Variants in ECT2L observed in about 807,000 individuals in gnomAD.
ECT2L encodes the protein epithelial cell-transforming sequence 2 oncogene-like.
In ECT2L, 126 loss-of-function variants were observed where a neutral mutation model predicts 122.8. That is an observed-to-expected ratio of 1.03 (90% CI 0.89 to 1.19). ECT2L has a LOEUF of 1.19. Among genes scored for constraint, ECT2L ranks in the 50% most tolerant of loss-of-function variants. ECT2L has a pLI of 0.00. For missense variants in ECT2L, 1,012 were observed against 1,064.1 expected (o/e 0.95, Z 0.68); for synonymous variants, 385 against 381.8 (o/e 1.01, Z -0.10).
chr6:138,865,628 A>G (rs1778007491), intron 12 of ECT2L, among the ~76,000 whole-genome samples: 1 of 152,208 alleles, frequency 6.6e-6, no homozygotes, highest in Non-Finnish European at 1.5e-5. Context: ...TGCTGAGCCT[A>G]TTAGACGTGG....
chr6:138,854,800 G>C (rs1777562099), intron 10 of ECT2L, among the ~76,000 whole-genome samples: 1 of 152,214 alleles, frequency 6.6e-6, no homozygotes, highest in South Asian at 2.1e-4. Context: ...GTGGCTGCCT[G>C]TCTAGAATCA....
chr6:138,903,757 C>T lies in ECT2L; in HGVS notation c.*1130C>T, dbSNP rs912109948. 1 of 152,086 alleles carries T rather than the reference C, an allele frequency of 6.6e-6. No individual in the cohort carries two copies. Among genetic ancestry groups the T allele is most frequent in the South Asian group, 2.1e-4 (1 of 4,814 alleles). The allele number at this position is 152,086 out of a possible 1,614,324, so 9.4% of individuals were successfully genotyped here. A position where few individuals can be genotyped will look rare whatever the true frequency, so the allele number is the denominator to read the frequency against. Reference sequence around the variant, plus strand: ...AAATTTATTATTTAACAACTAAAGCCATACTGAAAGCCACTTGGAAACTTC... The same window carrying T: ...AAATTTATTATTTAACAACTAAAGCTATACTGAAAGCCACTTGGAAACTTC... On this transcript the variant is annotated 3_prime_UTR_variant, in exon 22 of 22. Coordinates refer to ENST00000541398, the MANE Select transcript of ECT2L (RefSeq NM_001077706.3).
At chr6:138,846,845 C>T (rs150597362) in intron 8 of ECT2L, among the ~76,000 whole-genome samples, 168 bp downstream of exon 8, 38 of 151,610 alleles carry the variant, frequency 2.5e-4, no homozygotes, top group African/African-American at 8.2e-4. Flanking sequence ...AACTGTAGTC[C>T]CAGCTACTCA....
intron 13 of ECT2L, among the ~76,000 whole-genome samples, chr6:138,874,854 G>T (rs1360730682): frequency 6.6e-6 from 1 of 152,148 alleles, no homozygotes; most frequent in Non-Finnish European, 1.5e-5. Context: ...ATCACTTTGG[G>T]ATCCCAAGGC....
intron 4 of ECT2L, among the ~76,000 whole-genome samples, chr6:138,831,882 A>G (rs1583567883): frequency 6.6e-6 from 1 of 152,222 alleles, no homozygotes; most frequent in Non-Finnish European, 1.5e-5. Context: ...GAGATATTCA[A>G]ATTACACCAA....
intron 20 of ECT2L, among the ~76,000 whole-genome samples, chr6:138,898,076 C>A (rs1288800191): frequency 6.6e-6 from 1 of 151,512 alleles, no homozygotes; most frequent in South Asian, 2.1e-4. Flanking sequence ...AAAAAAATTG[C>A]TCCCCTTCTC....
At chr6:138,896,165 A>G (rs1779204687) in intron 20 of ECT2L, among the ~76,000 whole-genome samples, 1 of 149,242 alleles carries the variant, frequency 6.7e-6, no homozygotes, top group South Asian at 2.1e-4. Context: ...TCCTTGGCTC[A>G]GATGATCCTC....
chr6:138,888,594 A>T (rs1369834124), intron 19 of ECT2L, among the ~76,000 whole-genome samples: 1 of 152,084 alleles, frequency 6.6e-6, no homozygotes, highest in East Asian at 1.9e-4. Context: ...GATTACAGGC[A>T]TGAGCCACCG....
chr6:138,839,095 C>T (rs1449324792), intron 5 of ECT2L, among the ~76,000 whole-genome samples: 2 of 152,034 alleles, frequency 1.3e-5, no homozygotes, highest in Non-Finnish European at 2.9e-5. Flanking sequence ...GTTCACTTTT[C>T]TTCATGAAAA....
intron 10 of ECT2L, among the ~76,000 whole-genome samples, chr6:138,858,631 C>A (rs1777705025): frequency 6.6e-6 from 1 of 151,864 alleles, no homozygotes; most frequent in Non-Finnish European, 1.5e-5. Flanking sequence ...CTCCTCCCCA[C>A]CCCCAACCTG....
At position 138,890,492 on chromosome 6, in the gene ECT2L, C is replaced by CTTTTTTTTTTTTTTTTTTTTTTTTTTTTT. The variant is rs552594959; in HGVS notation, c.2414+1489_2414+1490insTTTTTTTTTTTTTTTTTTTTTTTTTTTTT. Among the ~76,000 whole-genome samples, 55 of 78,984 alleles carry CTTTTTTTTTTTTTTTTTTTTTTTTTTTTT rather than the reference C, an allele frequency of 7.0e-4. 6 individuals carry two copies. The highest frequency in any genetic ancestry group is 8.2e-3 in the Middle Eastern group (1 of 122). 51.8% of individuals were successfully genotyped at this position (78,984 alleles called of 152,430 possible). Reference sequence around the variant, plus strand: ...TCATGACATTTTTGTTTTCTTTGATCTTTTTTTTTTTTTTTTTTTTTTTTT... The same window carrying CTTTTTTTTTTTTTTTTTTTTTTTTTTTTT: ...TCATGACATTTTTGTTTTCTTTGATCTTTTTTTTTTTTTTTTTTTTTTTTTTTTTTTTTTTTTTTTTTTTTTTTTTTTTT... On this transcript the variant is annotated intron_variant, in intron 20 of 21. Coordinates refer to ENST00000541398, the MANE Select transcript of ECT2L (RefSeq NM_001077706.3).
chr6:138,802,188 A>G (rs1775567414), intron 1 of ECT2L, among the ~76,000 whole-genome samples: 1 of 152,226 alleles, frequency 6.6e-6, no homozygotes, highest in African/African-American at 2.4e-5. Flanking sequence ...TCTCATTCCA[A>G]CAGTTTAGGA....
At chr6:138,841,404 G>A (rs961160427) in intron 5 of ECT2L, among the ~76,000 whole-genome samples, 5 of 152,288 alleles carry the variant, frequency 3.3e-5, no homozygotes, top group African/African-American at 1.2e-4. Context: ...CTAGTGCTAG[G>A]AACAAATCCT....
At chr6:138,891,297 C>T (rs1321537532) in intron 20 of ECT2L, among the ~76,000 whole-genome samples, 2 of 152,206 alleles carry the variant, frequency 1.3e-5, no homozygotes, top group Non-Finnish European at 2.9e-5. Context: ...TGAAATGGCC[C>T]TGCAAAGTCA....
At chr6:138,857,348 C>T (rs1777647916) in intron 10 of ECT2L, among the ~76,000 whole-genome samples, 3 of 152,156 alleles carry the variant, frequency 2.0e-5, no homozygotes, top group Admixed American at 2.0e-4. Context: ...TGGGTCCCAC[C>T]TAGAGTTTCA....
At chr6:138,885,089 C>T (rs935746167) in intron 16 of ECT2L, among the ~76,000 whole-genome samples, 2 of 132,186 alleles carry the variant, frequency 1.5e-5, no homozygotes, top group South Asian at 2.4e-4. Context: ...AGTGCAGTGG[C>T]GCTATCTTGG....
intron 10 of ECT2L, among the ~76,000 whole-genome samples, chr6:138,860,804 C>G (rs1484832505): frequency 6.7e-6 from 1 of 150,038 alleles, no homozygotes; most frequent in African/African-American, 2.5e-5. Context: ...TGGTTTGCTG[C>G]ACTTATCAAC....
intron 10 of ECT2L, among the ~76,000 whole-genome samples, chr6:138,861,048 G>A (rs1447678683): frequency 6.6e-6 from 1 of 152,080 alleles, no homozygotes; most frequent in African/African-American, 2.4e-5. Context: ...TCCCTGCAAA[G>A]GACATGAACT....
chr6:138,808,968 C>T (rs925317644), intron 1 of ECT2L, among the ~76,000 whole-genome samples: 9 of 152,148 alleles, frequency 5.9e-5, no homozygotes, highest in Admixed American at 4.6e-4. Flanking sequence ...CTCAAGTGAT[C>T]CACCTGCCTT....
Sources: gnomAD v4.1 joint callset for allele counts (sites outside exome capture counted in the v4.1 genomes callset) on GRCh38, gnomAD v4.1.1 for gene constraint, MANE v1.5 for transcripts, NCBI Gene and HGNC (gene_info 2026-07-23, HGNC 2026-07-21) for gene names.